MYB: variants seen among roughly 807,000 people sequenced by gnomAD.
MYB encodes transcriptional activator Myb.
Under a neutral mutation model 92.9 loss-of-function variants are expected in MYB, and 28 were observed. That is an observed-to-expected ratio of 0.30 (90% CI 0.22 to 0.41). MYB has a LOEUF of 0.41. Among genes scored for constraint, MYB ranks in the 10% least tolerant of loss-of-function variants. The probability of loss-of-function intolerance (pLI) is 1.00; values close to 1 mark genes in which losing one functional copy is unlikely to be tolerated. For synonymous variants in MYB, 295 were observed against 329.1 expected (o/e 0.90, Z 1.12); for missense variants, 679 against 929.3 (o/e 0.73, Z 3.50).
At chr6:135,194,244 C>A in intron 7 of MYB, 112 bp from the exon 8 acceptor site, 1 of 771,194 alleles carries the variant, frequency 1.3e-6, no homozygotes, top group Non-Finnish European at 2.1e-6. Context: ...GGTGTTGTCA[C>A]AGTGAGGCTC....
chr6:135,198,637 C>A (rs1777651508), intron 10 of MYB, among the ~76,000 whole-genome samples: 1 of 152,192 alleles, frequency 6.6e-6, no homozygotes, highest in African/African-American at 2.4e-5. Flanking sequence ...TCTTTAATGA[C>A]AAGTGTCATT....
chr6:135,184,341 T>TTTG, intron 1 of MYB, among the ~76,000 whole-genome samples: 1 of 150,988 alleles, frequency 6.6e-6, no homozygotes, highest in African/African-American at 2.4e-5. Flanking sequence ...TTTTTTTTTT[T>TTTG]TTTTGCTTTA....
In MYB at chr6:135,197,060, CAA is replaced by C. The variant is rs1369345738; in HGVS notation, c.1305_1306del (p.Glu437GlyfsTer5). ...CACAGGCAAAGCCCTACAGCTTCAG[CAA>C]AGAGAGGGCAATGGGACTAAACCTG... ...HHTGKALQLQQREGNGTKPAG... is the reference protein window; with the variant it reads ...HHTGKALQLQXREGNGTKPAG... On this transcript the variant is annotated frameshift_variant, in exon 10 of 16. Transcript: ENST00000341911. LOFTEE classifies it high-confidence loss of function. 6.2e-7 allele frequency: 1 copy of C among 1,614,040 alleles called. No individual in the cohort carries two copies. The highest frequency in any genetic ancestry group is 8.5e-7 in the Non-Finnish European group (1 of 1,179,896).
At position 135,195,891 on chromosome 6, in the gene MYB, A is replaced by G. The variant is rs958491716; in HGVS notation, c.1092A>G (p.Leu364=). The change falls in exon 9 of 16, where the codon CTA becomes CTG. Residue 364 remains leucine, a synonymous_variant. Transcript: ENST00000341911. ...CTCTGCCAGCGGATCCTGGCTCCCT[A>G]CCTGAAGAAAGCGCCTCGCCAGCAA... ...TPSLPADPGS[L]PEESASPARC... The G allele has an allele frequency of 1.2e-6, 2 of 1,614,122 alleles. No individual in the cohort carries two copies. Among genetic ancestry groups the G allele is most frequent in the Non-Finnish European group, 1.7e-6 (2 of 1,180,004 alleles).
intron 15 of MYB, among the ~76,000 whole-genome samples, chr6:135,205,480 T>C (rs1038155387): frequency 6.6e-6 from 1 of 152,240 alleles, no homozygotes; most frequent in Admixed American, 6.5e-5. Context: ...TAGTTCAGTA[T>C]TGAGCTTTAT....
At position 135,194,368 on chromosome 6, in the gene MYB, G is replaced by T. The variant is rs1777011832; in HGVS notation, c.856G>T (p.Asp286Tyr). 6.2e-7 allele frequency: 1 copy of T among 1,609,980 alleles called. No homozygotes were observed. The highest frequency in any genetic ancestry group is 1.3e-5 in the African/African-American group (1 of 74,604). The part of the protein sequence containing the change: ...AAAAIQRHYN[D>Y]EDPEKEKRIK... ...TTTGTAATTTCAGAGACACTATAAT[G>T]ATGAAGACCCTGAGAAGGAAAAGCG... The change falls in exon 8 of 16, where the codon GAT becomes TAT. Residue 286 changes from aspartate (D) to tyrosine (Y), a missense_variant. By Grantham distance (160) the Asp-to-Tyr change is radical. Transcript: ENST00000341911.
chr6:135,186,935 C>CT (rs1775995046), intron 2 of MYB, among the ~76,000 whole-genome samples: 2 of 152,158 alleles, frequency 1.3e-5, no homozygotes, highest in African/African-American at 4.8e-5. Context: ...ACCAGAGCTC[C>CT]TTTTAACAGG....
Position 135,218,258 on chromosome 6 carries a change from AC to A in MYB, c.*279del, listed in dbSNP as rs544771312. 3.1e-3 allele frequency: 1,081 copies of A among 349,294 alleles called. 3 individuals carry two copies. The highest frequency in any genetic ancestry group is 4.3e-3 in the Non-Finnish European group (824 of 190,632). 21.6% of individuals were successfully genotyped at this position (349,294 alleles called of 1,614,324 possible). On this transcript the variant is annotated 3_prime_UTR_variant, in exon 16 of 16. Coordinates refer to ENST00000341911, the MANE Select transcript of MYB (RefSeq NM_001130173.2). ...CTTAATGCAGATTTTTTTAAAAAAA[AC>A]ATAAAATGATTTATCTGTATTTTAA...
At chr6:135,203,716 G>A in intron 15 of MYB, 1 of 1,391,734 alleles carries the variant, frequency 7.2e-7, no homozygotes, top group Non-Finnish European at 9.5e-7. Context: ...GTATCCCTAG[G>A]CAACCAAAGC....
chr6:135,217,793 G>A, intron 15 of MYB, 71 bp from the exon 16 acceptor site: 1 of 1,060,004 alleles, frequency 9.4e-7, no homozygotes, highest in Non-Finnish European at 1.5e-6. Flanking sequence ...GTTGGTCAGT[G>A]CTGGCCCTGC....
intron 10 of MYB, 41 bp from the exon 11 acceptor site, chr6:135,198,867 A>G (rs1777685453): frequency 1.3e-6 from 2 of 1,498,342 alleles, no homozygotes; most frequent in Admixed American, 3.7e-5. Context: ...ATAAAGAATT[A>G]CCATCTAATC....
rs901077243 is a variant in MYB at position 135,189,706 on chromosome 6, G to T, written c.214-85G>T. On this transcript the variant is annotated intron_variant, in intron 3 of 15. Coordinates refer to ENST00000341911, the MANE Select transcript of MYB (RefSeq NM_001130173.2). ...TTCTTAAATATTTTCACTGCATATG[G>T]TCTATGTGTGATTCCTATTACAACA... 1.4e-5 allele frequency: 15 copies of T among 1,044,388 alleles called. No individual in the cohort carries two copies. The Admixed American group carries it at 2.7e-4, about 19-fold the overall frequency. The allele number at this position is 1,044,388 out of a possible 1,614,324, so 64.7% of individuals were successfully genotyped here. A position where few individuals can be genotyped will look rare whatever the true frequency, so the allele number is the denominator to read the frequency against.
intron 14 of MYB, chr6:135,202,896 C>T: frequency 1.8e-6 from 1 of 559,988 alleles, no homozygotes; most frequent in Admixed American, 2.2e-5. Flanking sequence ...CTCCCCAGAA[C>T]TTAGTAAATC....
rs2128303037 is a variant in MYB at position 135,200,836 on chromosome 6, TG to T, written c.1950+424del. Among the ~76,000 whole-genome samples, 3 of 152,164 alleles carry T rather than the reference TG, an allele frequency of 2.0e-5. No individual in the cohort carries two copies. In the South Asian group the frequency reaches 6.2e-4, roughly 32 times the overall value. On this transcript the variant is annotated intron_variant, in intron 13 of 15. Transcript: ENST00000341911. ...GCTCATACCTGTAATCCCAGCACTT[TG>T]GGAGGCTGAGGTGGGCAGATCACAA...
In MYB at chr6:135,190,970, A is replaced by G. The variant is rs2128290564; in HGVS notation, c.527+623A>G. Among the ~76,000 whole-genome samples, 1 of 151,948 alleles carries G rather than the reference A, an allele frequency of 6.6e-6. No individual in the cohort carries two copies. Among genetic ancestry groups the G allele is most frequent in the East Asian group, 1.9e-4 (1 of 5,158 alleles). On this transcript the variant is annotated intron_variant, in intron 5 of 15. Transcript: ENST00000341911. The surrounding 1 kb of genome is among the most constrained non-coding windows in gnomAD (Gnocchi z 4.5). Reference sequence around the variant, plus strand: ...CCCCACTACACCCAGCTGATTTTAAAATATTTTTTGTAGAGATGGAATCCT... The same window carrying G: ...CCCCACTACACCCAGCTGATTTTAAGATATTTTTTGTAGAGATGGAATCCT...
rs993518495 is a variant in MYB, at chr6:135,218,773, AT to A, written c.*801del. 3.9e-5 allele frequency: 8 copies of A among 204,012 alleles called. No individual in the cohort carries two copies. The highest frequency in any genetic ancestry group is 1.9e-4 in the South Asian group (1 of 5,224). 12.6% of individuals were successfully genotyped at this position (204,012 alleles called of 1,614,324 possible). On this transcript the variant is annotated 3_prime_UTR_variant, in exon 16 of 16. Transcript: ENST00000341911. ...ACTTTTTAATTTTATATATATATAC[AT>A]TTTTTTTCCTTCTGCAATACATTTG...
chr6:135,194,860 C>A, intron 8 of MYB: 2 of 1,102,308 alleles, frequency 1.8e-6, no homozygotes, highest in Non-Finnish European at 2.3e-6. Context: ...TAATTTCAGA[C>A]ATGATTTGAT....
chr6:135,181,432 C>G lies in MYB; in HGVS notation c.-82C>G. ...GCGCCGCTGCGCAGCCGGGGAGGGA[C>G]GCAGGCAGGCGGCGGGCAGCGGGAG... On this transcript the variant is annotated 5_prime_UTR_variant, in exon 1 of 16. Coordinates refer to ENST00000341911, the MANE Select transcript of MYB (RefSeq NM_001130173.2). The surrounding 1 kb of genome is among the most constrained non-coding windows in gnomAD (Gnocchi z 5.3). The G allele has an allele frequency of 1.0e-6, 1 of 990,624 alleles. No homozygotes were observed. Among genetic ancestry groups the G allele is most frequent in the Admixed American group, 4.9e-5 (1 of 20,552 alleles). 61.4% of individuals were successfully genotyped at this position (990,624 alleles called of 1,614,324 possible). A position where few individuals can be genotyped will look rare whatever the true frequency, so the allele number is the denominator to read the frequency against.
chr6:135,181,680 G>T lies in MYB; in HGVS notation c.23+144G>T, dbSNP rs191790152. ...CCGAGGACCTGGAGCCCCTGCCTCG[G>T]CAGCAGAAGCCGCTCCAGAGACTGA... On this transcript the variant is annotated intron_variant, in intron 1 of 15. Transcript: ENST00000341911. This position sits in a 1 kb window ranked among gnomAD's most constrained non-coding sequence, Gnocchi z 5.3. 2.7e-3 allele frequency: 1,051 copies of T among 391,962 alleles called. 5 individuals carry two copies. The highest frequency in any genetic ancestry group is 3.5e-3 in the Non-Finnish European group (931 of 267,182). 24.3% of individuals were successfully genotyped at this position (391,962 alleles called of 1,614,324 possible). A position where few individuals can be genotyped will look rare whatever the true frequency, so the allele number is the denominator to read the frequency against.
Sources: allele counts gnomAD v4.1 joint callset (sites outside exome capture counted in the v4.1 genomes callset), GRCh38; gene constraint gnomAD v4.1.1; non-coding constraint Gnocchi (gnomAD v3.1); transcripts MANE v1.5; gene names NCBI Gene and HGNC (gene_info 2026-07-23, HGNC 2026-07-21).